MAP4K5: variants seen among roughly 807,000 people sequenced by gnomAD.
MAP4K5 encodes mitogen-activated protein kinase kinase kinase kinase 5.
A neutral mutation model predicts 135.6 loss-of-function variants in MAP4K5; 82 were observed. The observed-to-expected ratio is 0.60, with a 90% CI of 0.51 to 0.73. The LOEUF (loss-of-function observed/expected upper bound fraction) is 0.73. Among genes scored for constraint, MAP4K5 ranks in the 30% least tolerant of loss-of-function variants. The pLI, the probability that MAP4K5 is intolerant of heterozygous loss-of-function variation, is 0.00. For missense variants in MAP4K5, 907 were observed against 1,010.9 expected (o/e 0.90, Z 1.39); for synonymous variants, 347 against 335.0 (o/e 1.04, Z -0.39).
chr14:50,465,431 A>G, intron 11 of MAP4K5, among the ~76,000 whole-genome samples: 1 of 152,226 alleles, frequency 6.6e-6, no homozygotes, highest in East Asian at 1.9e-4. Flanking sequence ...AATTTTTATT[A>G]ACCAATTGAT....
chr14:50,542,551 TGGAAGAGTATACACTGAGGTGGCCTGAG>T (rs2038579162), exon 2 of MAP4K5: 1 of 152,162 alleles, frequency 6.6e-6, no homozygotes, highest in Non-Finnish European at 1.5e-5. Flanking sequence ...CGTTGTCAAA[TGGAAGAGTATACACTGAGGTGGCCTGAG>T]ATGATCTGGA....
upstream of MAP4K5, among the ~76,000 whole-genome samples, chr14:50,534,327 C>T (rs745617420): frequency 5.9e-5 from 9 of 152,118 alleles, no homozygotes; most frequent in Non-Finnish European, 8.8e-5. Context: ...TGTGACAAAT[C>T]GGCCAACCAG....
chr14:50,454,500 A>C (rs375532327), intron 14 of MAP4K5, among the ~76,000 whole-genome samples: 1 of 152,134 alleles, frequency 6.6e-6, no homozygotes, highest in Non-Finnish European at 1.5e-5. Context: ...ATAGTATAAA[A>C]TCTATCAAAC....
Position 50,492,893 on chromosome 14 carries a change from G to A in MAP4K5, c.167-6699C>T, listed in dbSNP as rs117700914. Reference sequence around the variant, plus strand: ...GAAAAATATAAAGAATGTAAGCCACGTACGGTGGCTCATGCCTGAAATCCC... The same window carrying A: ...GAAAAATATAAAGAATGTAAGCCACATACGGTGGCTCATGCCTGAAATCCC... On this transcript the variant is annotated intron_variant, in intron 3 of 32. Transcript: ENST00000682126. 2.4e-4 allele frequency among the ~76,000 whole-genome samples: 37 copies of A among 151,894 alleles called. No individual in the cohort carries two copies. In the East Asian group the frequency reaches 6.2e-3, roughly 26 times the overall value.
intron 3 of MAP4K5, among the ~76,000 whole-genome samples, chr14:50,490,130 A>AGTGTGAGT (rs2037451210): frequency 8.3e-6 from 1 of 121,206 alleles, no homozygotes; most frequent in African/African-American, 3.3e-5. Flanking sequence ...AGCGAGTGAG[A>AGTGTGAGT]GTGTGTGTGT....
At chr14:50,473,927 T>C (rs183273078) in intron 9 of MAP4K5, among the ~76,000 whole-genome samples, 6 of 152,096 alleles carry the variant, frequency 3.9e-5, no homozygotes, top group African/African-American at 1.4e-4. Flanking sequence ...GGTTTCACCG[T>C]GTTAGCCAGG....
intron 1 of MAP4K5, among the ~76,000 whole-genome samples, chr14:50,548,777 TGGGATTACA>T (rs1425865674): frequency 6.6e-6 from 1 of 152,136 alleles, no homozygotes; most frequent in African/African-American, 2.4e-5. Context: ...CCCAAAGTAC[TGGGATTACA>T]GGTGTGAGCC....
At chr14:50,435,163 T>TA in intron 26 of MAP4K5, 98 bp from the exon 27 acceptor site, 2 of 543,378 alleles carry the variant, frequency 3.7e-6, no homozygotes, top group Non-Finnish European at 6.4e-6. Flanking sequence ...GGGCAGAAAA[T>TA]AAAAAAAGAC....
intron 9 of MAP4K5, 95 bp downstream of exon 9, chr14:50,474,982 C>G: frequency 9.1e-7 from 1 of 1,104,344 alleles, no homozygotes; most frequent in Non-Finnish European, 1.4e-6. Flanking sequence ...AATCTCCCTA[C>G]TTTTAATTAT....
chr14:50,546,150 A>G (rs1292256529), intron 1 of MAP4K5, among the ~76,000 whole-genome samples: 1 of 152,248 alleles, frequency 6.6e-6, no homozygotes, highest in Non-Finnish European at 1.5e-5. Flanking sequence ...AAAAGAGGGT[A>G]AAAGAAGTTT....
Position 50,532,520 on chromosome 14 carries a change from C to G in MAP4K5, c.-182G>C, listed in dbSNP as rs2038423181. ...CCGGGTTTGCCGTCGCCGCCGCCGC[C>G]ACTCAGCCGCTGCACGGCGCGTCCT... On this transcript the variant is annotated 5_prime_UTR_variant, in exon 1 of 33. Coordinates refer to ENST00000682126, the MANE Select transcript of MAP4K5 (RefSeq NM_006575.6). 6.6e-6 allele frequency: 1 copy of G among 151,880 alleles called. No homozygotes were observed. Among genetic ancestry groups the G allele is most frequent in the Non-Finnish European group, 1.5e-5 (1 of 68,110 alleles). 9.4% of individuals were successfully genotyped at this position (151,880 alleles called of 1,614,324 possible).
intron 20 of MAP4K5, among the ~76,000 whole-genome samples, chr14:50,443,328 A>G (rs1283000468): frequency 1.5e-5 from 2 of 129,370 alleles, no homozygotes; most frequent in African/African-American, 2.8e-5. Context: ...CCATTCACAG[A>G]TAAGTTCCAC....
chr14:50,520,428 G>A (rs2038124590), intron 2 of MAP4K5, among the ~76,000 whole-genome samples: 1 of 152,120 alleles, frequency 6.6e-6, no homozygotes, highest in African/African-American at 2.4e-5. Flanking sequence ...TTGAACCCGG[G>A]AGGCGAAGGT....
intron 2 of MAP4K5, among the ~76,000 whole-genome samples, chr14:50,524,213 C>T (rs1396476969): frequency 2.0e-5 from 3 of 152,072 alleles, no homozygotes; most frequent in Non-Finnish European, 1.5e-5. Context: ...GAAAGTAAAA[C>T]CCTGAAACAA....
chr14:50,489,396 C>A (rs746205080), intron 3 of MAP4K5, among the ~76,000 whole-genome samples: 1 of 152,104 alleles, frequency 6.6e-6, no homozygotes, highest in Non-Finnish European at 1.5e-5. Context: ...TTCTTCACAC[C>A]CTGACAATGT....
At chr14:50,497,347 G>A (rs1268248148) in intron 3 of MAP4K5, among the ~76,000 whole-genome samples, 1 of 152,092 alleles carries the variant, frequency 6.6e-6, no homozygotes, top group Non-Finnish European at 1.5e-5. Flanking sequence ...ATGTATTTGT[G>A]CCTTCAAATT....
intron 11 of MAP4K5, among the ~76,000 whole-genome samples, chr14:50,464,649 G>A (rs2036790947): frequency 1.3e-5 from 2 of 152,240 alleles, no homozygotes; most frequent in African/African-American, 4.8e-5. Context: ...AAAGGAAGAA[G>A]ACATAAATTA....
At chr14:50,460,404 A>G (rs189379894) in intron 13 of MAP4K5, among the ~76,000 whole-genome samples, 289 of 152,320 alleles carry the variant, frequency 1.9e-3, no homozygotes, top group Non-Finnish European at 2.8e-3. Context: ...GAGAATTCAG[A>G]AAGTAGAGTG....
chr14:50,545,488 C>T (rs1474700665), intron 1 of MAP4K5, among the ~76,000 whole-genome samples: 1 of 152,154 alleles, frequency 6.6e-6, no homozygotes, highest in Non-Finnish European at 1.5e-5. Context: ...AACTGCTCAA[C>T]CTTTGTGGGC....
Sources: allele counts gnomAD v4.1 joint callset (sites outside exome capture counted in the v4.1 genomes callset), GRCh38; gene constraint gnomAD v4.1.1; transcripts MANE v1.5; gene names NCBI Gene and HGNC (gene_info 2026-07-23, HGNC 2026-07-21).